The following ATL3 variants were observed in gnomAD, a reference collection of about 807,000 sequenced individuals.
ATL3 encodes the protein atlastin GTPase 3.
A neutral mutation model predicts 69.5 loss-of-function variants in ATL3; 49 were observed. The observed-to-expected ratio is 0.71, with a 90% confidence interval of 0.56 to 0.89. The LOEUF (loss-of-function observed/expected upper bound fraction) is 0.89, where lower values mean the gene tolerates loss of function less well. Among genes scored for constraint, ATL3 ranks in the 40% least tolerant of loss-of-function variants. ATL3 has a pLI of 0.00. For missense variants in ATL3, 606 were observed against 645.7 expected, an observed-to-expected ratio of 0.94 and a Z score of 0.67; for synonymous variants, 214 against 224.1, an observed-to-expected ratio of 0.95 and a Z score of 0.40.
chr11:63,664,515 G>A (rs1350095302), intron 1 of ATL3, among the ~76,000 whole-genome samples: 2 of 151,806 alleles, frequency 1.3e-5, no homozygotes, highest in African/African-American at 4.8e-5. Flanking sequence ...ACTCTAGCCT[G>A]GGCAACAGAG....
At position 63,668,790 on chromosome 11, in the gene ATL3, CTT is replaced by C. The variant is rs386373974; in HGVS notation, c.46+2498_46+2499del. On this transcript the variant is annotated intron_variant, in intron 1 of 12. Transcript: ENST00000398868. ...CCAAAGGTTTGAATTAGCTGTGTTC[CTT>C]TTTTTTTTTTTTTTTTTTTTTTGAG... is the stretch of plus-strand genomic sequence containing the variant. Among the ~76,000 whole-genome samples, 778 of 81,462 alleles carry C rather than the reference CTT, an allele frequency of 9.6e-3. 5 individuals are homozygous for C. The highest frequency in any genetic ancestry group is 0.034 in the African/African-American group (736 of 21,422). 53.4% of individuals were successfully genotyped at this position (81,462 alleles called of 152,430 possible). A position where few individuals can be genotyped will look rare whatever the true frequency, so the allele number is the denominator to read the frequency against.
At chr11:63,649,933 G>GT (rs1565277536) in intron 5 of ATL3, among the ~76,000 whole-genome samples, 1 of 151,998 alleles carries the variant, frequency 6.6e-6, no homozygotes, top group Non-Finnish European at 1.5e-5. Context: ...GTAGTATATC[G>GT]TAAGTACACT....
chr11:63,654,827 G>T (rs1385086376), intron 3 of ATL3, among the ~76,000 whole-genome samples: 1 of 150,702 alleles, frequency 6.6e-6, no homozygotes, highest in Non-Finnish European at 1.5e-5. Flanking sequence ...CTCCTGAGTA[G>T]CTGGGATTAC....
chr11:63,636,410 C>A, intron 8 of ATL3, 76 bp from the exon 9 acceptor site: 1 of 1,575,620 alleles, frequency 6.3e-7, no homozygotes, highest in Admixed American at 1.8e-5. Context: ...ACAATGCAGT[C>A]TTCCCAGTCT....
rs1029100489 is a variant in ATL3 at position 63,627,329 on chromosome 11, G to T, written c.*1990C>A. On this transcript the variant is annotated 3_prime_UTR_variant, in exon 13 of 13. Coordinates refer to ENST00000398868, the MANE Select transcript of ATL3 (RefSeq NM_015459.5). ...AGCTTGGTTGGCATCACTGATAAAT[G>T]CAAGTAAACAAGCTGGAATTTTTCT... The T allele has an allele frequency of 1.3e-5, 2 of 152,142 alleles. No homozygotes were observed. Among genetic ancestry groups the T allele is most frequent in the Non-Finnish European group, 2.9e-5 (2 of 68,002 alleles). 9.4% of individuals were successfully genotyped at this position (152,142 alleles called of 1,614,324 possible). A position where few individuals can be genotyped will look rare whatever the true frequency, so the allele number is the denominator to read the frequency against.
intron 3 of ATL3, among the ~76,000 whole-genome samples, chr11:63,653,333 T>C (rs1940139497): frequency 6.6e-6 from 1 of 151,930 alleles, no homozygotes; most frequent in Admixed American, 6.6e-5. Flanking sequence ...GGCGTGGTGG[T>C]GCACACCTGT....
In ATL3 at chr11:63,643,390, C is replaced by A; in HGVS notation, c.817G>T (p.Ala273Ser). The change falls in exon 8 of 13, where the codon GCC (alanine) becomes TCC (serine). Residue 273 changes from alanine to serine, a missense_variant. By Grantham distance (99) the Ala-to-Ser change is moderately conservative (BLOSUM62 1). Transcript: ENST00000398868. ...TTCCCATCAAAGTCAGGGCTTGTGG[C>A]CACCTGGAGTCCTGGATGTGGTAAG... ...FLLPHPGLQVATSPDFDGKLK... is the reference protein window; with the variant it reads ...FLLPHPGLQVSTSPDFDGKLK... 2 of 1,609,772 alleles carry A rather than the reference C, an allele frequency of 1.2e-6. No homozygotes were observed. The highest frequency in any genetic ancestry group is 1.7e-6 in the Non-Finnish European group (2 of 1,177,930).
chr11:63,661,843 T>C (rs1940430153), intron 1 of ATL3, among the ~76,000 whole-genome samples: 2 of 148,936 alleles, frequency 1.3e-5, no homozygotes, highest in Admixed American at 6.7e-5. Flanking sequence ...GAGCTGAGAT[T>C]GCACCACTGC....
chr11:63,625,462 T>A lies in ATL3; in HGVS notation c.*3857A>T, dbSNP rs938276009. The stretch of plus-strand genomic sequence containing the variant: ...TATTAAAGTTTTAATTTTTAAAAAA[T>A]TAAAAAATTAAAACTGTTTTATTGC... On this transcript the variant is annotated 3_prime_UTR_variant, in exon 13 of 13. Transcript: ENST00000398868. 1 of 152,150 alleles carries A rather than the reference T, an allele frequency of 6.6e-6. No homozygotes were observed. Among genetic ancestry groups the A allele is most frequent in the African/African-American group, 2.4e-5 (1 of 41,438 alleles). The allele number at this position is 152,150 out of a possible 1,614,324, so 9.4% of individuals were successfully genotyped here.
chr11:63,631,113 T>A lies in ATL3; in HGVS notation c.1466A>T (p.Tyr489Phe). 1 of 1,614,210 alleles carries A rather than the reference T, an allele frequency of 6.2e-7. No homozygotes were observed. The highest frequency in any genetic ancestry group is 8.5e-7 in the Non-Finnish European group (1 of 1,180,046). ...LLLIALLTWG[Y>F]IRYSGQYREL... ...ACGATATTGACCAGAATACCTGATG[T>A]AGCCCCAGGTGAGGAGTGCTATTAA... The change falls in exon 12 of 13, where the codon TAC becomes TTC. Residue 489 changes from tyrosine (Y) to phenylalanine (F), a missense_variant. Physicochemically the swap from Tyr to Phe is conservative, Grantham distance 22. Coordinates refer to ENST00000398868, the MANE Select transcript of ATL3 (RefSeq NM_015459.5).
intron 8 of ATL3, among the ~76,000 whole-genome samples, chr11:63,638,447 G>A (rs139851713): frequency 3.3e-5 from 5 of 152,296 alleles, no homozygotes; most frequent in African/African-American, 1.2e-4. Context: ...GCCCGCACCT[G>A]TAATCCCAGC....
chr11:63,665,710 G>C (rs1006103174), intron 1 of ATL3, among the ~76,000 whole-genome samples: 1 of 151,944 alleles, frequency 6.6e-6, no homozygotes, highest in Non-Finnish European at 1.5e-5. Flanking sequence ...GCAACACGGC[G>C]AAACCCCATC....
At chr11:63,634,365 G>A (rs1189184058) in intron 10 of ATL3, among the ~76,000 whole-genome samples, 1 of 151,724 alleles carries the variant, frequency 6.6e-6, no homozygotes, top group Non-Finnish European at 1.5e-5. Flanking sequence ...AAATTAGCCG[G>A]GCGTGGTGGC....
intron 11 of ATL3, among the ~76,000 whole-genome samples, chr11:63,631,953 G>C (rs986428571): frequency 2.0e-5 from 3 of 152,184 alleles, no homozygotes; most frequent in Non-Finnish European, 4.4e-5. Context: ...CTGCACTCCA[G>C]CCTGGGCGAC....
upstream of ATL3, chr11:63,671,515 C>A: frequency 6.9e-7 from 1 of 1,440,948 alleles, no homozygotes; most frequent in South Asian, 1.4e-5. Flanking sequence ...CTGCGTGGCC[C>A]AACGGACAGC....
chr11:63,664,018 C>G (rs1164820889), intron 1 of ATL3, among the ~76,000 whole-genome samples: 2 of 152,116 alleles, frequency 1.3e-5, no homozygotes, highest in Non-Finnish European at 2.9e-5. Context: ...GGGCAACACC[C>G]CAGGAATGCT....
In ATL3 at chr11:63,628,875, G is replaced by C. The variant is rs1261371857; in HGVS notation, c.*444C>G. On this transcript the variant is annotated 3_prime_UTR_variant, in exon 13 of 13. Coordinates refer to ENST00000398868, the MANE Select transcript of ATL3 (RefSeq NM_015459.5). ...AAAAAAAAGAATCCTTCTCAAAAGA[G>C]TAAAGTATAAAAGAAATGTCAAGTT... is the stretch of plus-strand genomic sequence containing the variant. 6.7e-6 allele frequency: 1 copy of C among 150,372 alleles called. No homozygotes were observed. The highest frequency in any genetic ancestry group is 1.9e-4 in the East Asian group (1 of 5,196). The allele number at this position is 150,372 out of a possible 1,614,324, so 9.3% of individuals were successfully genotyped here.
chr11:63,651,507 T>C (rs1940079375), intron 5 of ATL3, among the ~76,000 whole-genome samples: 1 of 152,060 alleles, frequency 6.6e-6, no homozygotes, highest in Non-Finnish European at 1.5e-5. Context: ...GGCTCCCACC[T>C]TCCCCAGAGG....
In ATL3 at chr11:63,631,456, T is replaced by A; in HGVS notation, c.1123A>T (p.Lys375Ter). 1 of 1,606,240 alleles carries A rather than the reference T, an allele frequency of 6.2e-7. No individual in the cohort carries two copies. Residue 375 changes from lysine (K) to a stop codon, truncating the protein, a stop_gained, in exon 12 of 13, where the codon AAA becomes TAA. Coordinates refer to ENST00000398868, the MANE Select transcript of ATL3 (RefSeq NM_015459.5). LOFTEE classifies it high-confidence loss of function. ...NNMEEVCGGE[K>*]PYLSPDILEE... ...AGAATGTCTGGAGACAAATAAGGTT[T>A]CTCTCCCCCACAAACCTAAAAAGAA...
Sources: gnomAD v4.1 joint callset for allele counts (sites outside exome capture counted in the v4.1 genomes callset) on GRCh38, gnomAD v4.1.1 for gene constraint, MANE v1.5 for transcripts, NCBI Gene and HGNC (gene_info 2026-07-23, HGNC 2026-07-21) for gene names.